The following ADAMTS6 variants were observed in gnomAD, a reference collection of about 807,000 sequenced individuals.
ADAMTS6 encodes ADAM metallopeptidase with thrombospondin type 1 motif 6.
ADAMTS6 carries 23 observed loss-of-function variants against 144.3 expected under a neutral mutation model. The ratio of observed to expected loss-of-function variants is 0.16; its 90% CI spans 0.11 to 0.23. The LOEUF (loss-of-function observed/expected upper bound fraction) is 0.23. Ranked by LOEUF, ADAMTS6 falls within the 10% of genes least tolerant of loss-of-function variation. The probability of loss-of-function intolerance (pLI) is 1.00; values close to 1 mark genes in which losing one functional copy is unlikely to be tolerated. For synonymous variants in ADAMTS6, 444 were observed against 457.5 expected (o/e 0.97, Z 0.38); for missense variants, 999 against 1,379.6 (o/e 0.72, Z 4.37).
intron 24 of ADAMTS6, among the ~76,000 whole-genome samples, chr5:65,167,407 A>G (rs977405761): frequency 5.3e-5 from 8 of 152,134 alleles, no homozygotes; most frequent in South Asian, 2.1e-4. Context: ...TACCAACCAA[A>G]AAGAGTCCAG....
intron 3 of ADAMTS6, among the ~76,000 whole-genome samples, chr5:65,463,695 T>A (rs1759792407): frequency 6.6e-6 from 1 of 152,154 alleles, no homozygotes. Flanking sequence ...ATCTCCTACC[T>A]CTCCCTATTA....
chr5:65,395,138 C>T (rs1004060599), intron 7 of ADAMTS6, among the ~76,000 whole-genome samples: 2 of 152,088 alleles, frequency 1.3e-5, no homozygotes, highest in Non-Finnish European at 2.9e-5. Flanking sequence ...TAATCACTGA[C>T]CATGTGACAC....
At chr5:65,422,388 T>C (rs1756125216) in intron 7 of ADAMTS6, among the ~76,000 whole-genome samples, 1 of 152,160 alleles carries the variant, frequency 6.6e-6, no homozygotes, top group Admixed American at 6.5e-5. Flanking sequence ...TCCCAGCACT[T>C]TGGGAGTCCA....
chr5:65,420,042 G>C (rs1481200397), intron 7 of ADAMTS6, among the ~76,000 whole-genome samples: 1 of 152,186 alleles, frequency 6.6e-6, no homozygotes, highest in Non-Finnish European at 1.5e-5. Context: ...GGCTGGGGAG[G>C]CCTCAGGAAA....
intron 15 of ADAMTS6, among the ~76,000 whole-genome samples, chr5:65,229,806 G>A (rs1171341507): frequency 6.6e-6 from 1 of 152,008 alleles, no homozygotes; most frequent in Non-Finnish European, 1.5e-5. Flanking sequence ...CACATTATAG[G>A]AATCTTAGGT....
At chr5:65,360,788 A>AT (rs1749756245) in intron 7 of ADAMTS6, among the ~76,000 whole-genome samples, 2 of 152,222 alleles carry the variant, frequency 1.3e-5, no homozygotes, top group Admixed American at 6.5e-5. Context: ...AGTGAATGTT[A>AT]TAAGAGTTCA....
chr5:65,307,999 T>C (rs1744102778), intron 9 of ADAMTS6, among the ~76,000 whole-genome samples: 1 of 152,216 alleles, frequency 6.6e-6, no homozygotes, highest in East Asian at 1.9e-4. Context: ...ATGTTGACAA[T>C]TTCCTGACTG....
intron 7 of ADAMTS6, among the ~76,000 whole-genome samples, chr5:65,431,654 GT>G (rs1481781010): frequency 6.6e-6 from 1 of 152,060 alleles, no homozygotes; most frequent in Non-Finnish European, 1.5e-5. Context: ...CCTGATATTA[GT>G]TTTCTAACTG....
chr5:65,163,933 G>C (rs1045867424), intron 24 of ADAMTS6, among the ~76,000 whole-genome samples: 1 of 152,106 alleles, frequency 6.6e-6, no homozygotes, highest in Non-Finnish European at 1.5e-5. Flanking sequence ...TTAAATAACA[G>C]ATTTTAAAAA....
At chr5:65,238,452 T>C (rs1369259372) in intron 15 of ADAMTS6, among the ~76,000 whole-genome samples, 1 of 151,798 alleles carries the variant, frequency 6.6e-6, no homozygotes, top group Non-Finnish European at 1.5e-5. Flanking sequence ...AAAATACAAC[T>C]AGCTGGACAT....
intron 7 of ADAMTS6, 70 bp from the exon 8 acceptor site, chr5:65,334,155 A>G (rs927411848): frequency 3.9e-5 from 56 of 1,450,430 alleles, no homozygotes; most frequent in Non-Finnish European, 4.6e-5. Context: ...TATTCATCAT[A>G]CTTCTCTCCT....
At chr5:65,161,317 C>G (rs558010732) in intron 24 of ADAMTS6, among the ~76,000 whole-genome samples, 7 of 152,130 alleles carry the variant, frequency 4.6e-5, no homozygotes, top group Non-Finnish European at 7.3e-5. Flanking sequence ...AGATTGCAGG[C>G]GTGAGCCACC....
At chr5:65,434,098 T>A (rs1757200373) in intron 7 of ADAMTS6, among the ~76,000 whole-genome samples, 1 of 152,198 alleles carries the variant, frequency 6.6e-6, no homozygotes, top group African/African-American at 2.4e-5. Flanking sequence ...TGACACATGC[T>A]ACAACATGGA....
chr5:65,347,483 C>T (rs749085276), intron 7 of ADAMTS6, among the ~76,000 whole-genome samples: 10 of 151,798 alleles, frequency 6.6e-5, no homozygotes, highest in Non-Finnish European at 1.2e-4. Flanking sequence ...CAACTCACAC[C>T]GTATACAAAA....
intron 10 of ADAMTS6, 44 bp downstream of exon 10, chr5:65,299,941 T>A (rs1229293347): frequency 6.3e-7 from 1 of 1,583,210 alleles, no homozygotes; most frequent in East Asian, 2.2e-5. Context: ...TACCAGTGGC[T>A]TACTTCTGGA....
chr5:65,275,415 GAAAAGAAAGAA>G, intron 11 of ADAMTS6, among the ~76,000 whole-genome samples: 1 of 120,886 alleles, frequency 8.3e-6, no homozygotes, highest in African/African-American at 3.2e-5. Context: ...AAGAAAGAAA[GAAAAGAAAGAA>G]AGAAAGAAAA....
At chr5:65,264,357 C>T (rs935170280) in intron 12 of ADAMTS6, among the ~76,000 whole-genome samples, 16 of 152,146 alleles carry the variant, frequency 1.1e-4, no homozygotes, top group Admixed American at 9.8e-4. Flanking sequence ...ATACACTAAT[C>T]TTGTTCCTCC....
At position 65,363,457 on chromosome 5, in the gene ADAMTS6, A is replaced by C. The variant is rs1342931089; in HGVS notation, c.1074-29372T>G. Among the ~76,000 whole-genome samples the C allele has an allele frequency of 2.5e-4, 38 of 152,214 alleles. 1 individual carries two copies. Among genetic ancestry groups the C allele is most frequent in the Admixed American group, 2.5e-3 (38 of 15,274 alleles). ...GGCATTTTAAAATTAGCATTAGAAA[A>C]GTAAAAGCAAATGTTATCATTAACA... On this transcript the variant is annotated intron_variant, in intron 7 of 24. Transcript: ENST00000381055.
At chr5:65,185,697 G>A (rs1318131718) in intron 22 of ADAMTS6, among the ~76,000 whole-genome samples, 1 of 152,336 alleles carries the variant, frequency 6.6e-6, no homozygotes, top group Non-Finnish European at 1.5e-5. Flanking sequence ...CCATTTGAGT[G>A]AGTCACTTCA....
Sources: allele counts gnomAD v4.1 joint callset (sites outside exome capture counted in the v4.1 genomes callset), GRCh38; gene constraint gnomAD v4.1.1; transcripts MANE v1.5; gene names NCBI Gene and HGNC (gene_info 2026-07-23, HGNC 2026-07-21).